HRG: variants seen among roughly 807,000 people sequenced by gnomAD.
HRG encodes histidine rich glycoprotein, also known as histidine-rich glycoprotein.
HRG carries 26 observed loss-of-function variants against 29.5 expected under a neutral mutation model. That is an observed-to-expected ratio of 0.88 (90% CI 0.65 to 1.22). HRG has a LOEUF of 1.22. Ranked by LOEUF, HRG falls within the 50% of genes most tolerant of loss-of-function variation. HRG has a pLI of 0.00. For missense variants in HRG, 671 were observed against 654.5 expected (o/e 1.03, Z -0.28); for synonymous variants, 243 against 240.4 (o/e 1.01, Z -0.10).
At chr3:186,676,384 G>A (rs1020521240) in intron 6 of HRG, among the ~76,000 whole-genome samples, 2 of 151,862 alleles carry the variant, frequency 1.3e-5, no homozygotes, top group African/African-American at 4.8e-5. Context: ...AAAAAATAAG[G>A]ATAATGAAGT....
intron 1 of HRG, 32 bp from the exon 2 acceptor site, chr3:186,668,903 G>T: frequency 8.7e-7 from 1 of 1,152,730 alleles, no homozygotes; most frequent in Non-Finnish European, 1.3e-6. Flanking sequence ...GTTTCCATGT[G>T]CTACTCACAT....
intron 1 of HRG, 150 bp from the exon 2 acceptor site, chr3:186,668,785 T>C: frequency 1.6e-6 from 1 of 634,510 alleles, no homozygotes; most frequent in East Asian, 2.7e-5. Context: ...TTGGAATCAA[T>C]AGATCAAATG....
intron 5 of HRG, 120 bp from the exon 6 acceptor site, chr3:186,674,969 C>T (rs1237124013): frequency 2.6e-6 from 2 of 763,244 alleles, no homozygotes; most frequent in East Asian, 2.5e-5. Flanking sequence ...AATATCTGAT[C>T]ATATTACCCT....
In HRG at chr3:186,669,990, A is replaced by G. The variant is rs3733008; in HGVS notation, c.353A>G (p.Asp118Gly). Residue 118 changes from aspartate to glycine, a missense_variant, in exon 3 of 7, where the codon GAC becomes GGC. Transcript: ENST00000232003. ...ACAAGACATTCCCATGAATCTCAGG[A>G]CCTCAGAGTGATTGACTTTAACTGC... ...IATRHSHESQ[D>G]LRVIDFNCTT... 1.9e-3 allele frequency: 2,983 copies of G among 1,599,870 alleles called. 54 individuals are homozygous for G. The East Asian group carries it at 0.045, about 24-fold the overall frequency.
Position 186,677,691 on chromosome 3 carries a change from T to A in HRG, c.1386T>A (p.Pro462=). ...CRQIGSVYRL[P]PLRKGEVLPL... ...AAATTGGATCTGTGTACCGACTCCC[T>A]CCTCTAAGAAAAGGTGAGGTGCTGC... The change falls in exon 7 of 7, where the codon CCT becomes CCA. Residue 462 remains proline, a synonymous_variant. Coordinates refer to ENST00000232003, the MANE Select transcript of HRG (RefSeq NM_000412.5). 6.2e-7 allele frequency: 1 copy of A among 1,612,404 alleles called. No individual in the cohort carries two copies. The highest frequency in any genetic ancestry group is 8.5e-7 in the Non-Finnish European group (1 of 1,178,558).
chr3:186,666,838 G>C (rs567052692), intron 1 of HRG: 1 of 154,282 alleles, frequency 6.5e-6, no homozygotes, highest in Non-Finnish European at 1.4e-5. Context: ...GCTTGAACTC[G>C]GGAGGCAGAG....
intron 3 of HRG, among the ~76,000 whole-genome samples, chr3:186,670,772 C>T (rs1376705996): frequency 1.3e-5 from 2 of 152,152 alleles, no homozygotes; most frequent in Non-Finnish European, 2.9e-5. Context: ...GCCTCAAACT[C>T]TTGACCTCAG....
chr3:186,668,179 G>A lies in HRG; in HGVS notation c.184-756G>A, dbSNP rs150089820. Among the ~76,000 whole-genome samples, 105 of 152,324 alleles carry A rather than the reference G, an allele frequency of 6.9e-4. 3 individuals carry two copies. Among genetic ancestry groups the A allele is most frequent in the African/African-American group, 2.2e-3 (91 of 41,580 alleles). ...AGCTGCCTCTGAGAGCTAGCATAGAGAGCGGGTGGATGGGGAGGGGTCCTG... is the reference window on the plus strand; with the variant it reads ...AGCTGCCTCTGAGAGCTAGCATAGAAAGCGGGTGGATGGGGAGGGGTCCTG... On this transcript the variant is annotated intron_variant, in intron 1 of 6. Transcript: ENST00000232003.
In HRG at chr3:186,676,632, A is replaced by G. The variant is rs140187296; in HGVS notation, c.742-415A>G. Among the ~76,000 whole-genome samples the G allele has an allele frequency of 2.0e-3, 304 of 151,650 alleles. 1 individual carries two copies. Among genetic ancestry groups the G allele is most frequent in the Non-Finnish European group, 3.4e-3 (228 of 67,874 alleles). On this transcript the variant is annotated intron_variant, in intron 6 of 6. Coordinates refer to ENST00000232003, the MANE Select transcript of HRG (RefSeq NM_000412.5). ...AAATTAGGAGTCTGGGCAACAGAGT[A>G]AGACTATGTCTCAAAAAAAGAAAAA...
chr3:186,670,363 T>C (rs1471226753), intron 3 of HRG, among the ~76,000 whole-genome samples: 1 of 152,180 alleles, frequency 6.6e-6, no homozygotes, highest in Non-Finnish European at 1.5e-5. Context: ...CTGCCAGTTG[T>C]ATAGTCTTGG....
chr3:186,676,302 T>C (rs1718986922), intron 6 of HRG, among the ~76,000 whole-genome samples: 1 of 152,154 alleles, frequency 6.6e-6, no homozygotes, highest in African/African-American at 2.4e-5. Flanking sequence ...AGGCACTAGT[T>C]TTCCAGTGTT....
At chr3:186,670,581 C>T (rs946968461) in intron 3 of HRG, among the ~76,000 whole-genome samples, 2 of 152,174 alleles carry the variant, frequency 1.3e-5, no homozygotes, top group South Asian at 4.1e-4. Flanking sequence ...GAGTGTCGCT[C>T]TTGCTACCCA....
chr3:186,675,217 T>C (rs1718931912), intron 6 of HRG, 27 bp downstream of exon 6: 5 of 1,432,910 alleles, frequency 3.5e-6, no homozygotes, highest in Non-Finnish European at 4.9e-6. Context: ...GACTTTGTCA[T>C]GGCAGTGCCA....
At chr3:186,676,329 C>T (rs1718988292) in intron 6 of HRG, among the ~76,000 whole-genome samples, 2 of 151,584 alleles carry the variant, frequency 1.3e-5, no homozygotes, top group South Asian at 4.2e-4. Context: ...CAGATGGGTG[C>T]CAGGTCATAA....
At chr3:186,675,865 C>CTTTTTTTTT (rs56248425) in intron 6 of HRG, among the ~76,000 whole-genome samples, 10 of 97,102 alleles carry the variant, frequency 1.0e-4, no homozygotes, top group South Asian at 4.0e-4. Context: ...ATGGCTCTGT[C>CTTTTTTTTT]TTTTTTTTTT....
At chr3:186,668,863 A>T in intron 1 of HRG, 72 bp from the exon 2 acceptor site, 1 of 728,600 alleles carries the variant, frequency 1.4e-6, no homozygotes, top group Non-Finnish European at 2.4e-6. Context: ...ATAAATATAT[A>T]GCTTTAATAC....
Position 186,677,099 on chromosome 3 carries a change from G to A in HRG, c.794G>A (p.Trp265Ter). ...CCTCATTTGGGACATCCCTTCCACT[G>A]GGGTGGGCATGAGCGTTCTTCTACC... Reference protein sequence around the residue: ...VPPHLGHPFHWGGHERSSTTK... With the variant: ...VPPHLGHPFH Residue 265 changes from tryptophan to a stop codon, truncating the protein, a stop_gained, in exon 7 of 7, where the codon TGG becomes TAG. Coordinates refer to ENST00000232003, the MANE Select transcript of HRG (RefSeq NM_000412.5). LOFTEE classifies it low-confidence loss of function (END_TRUNC). 3.7e-6 allele frequency: 6 copies of A among 1,613,836 alleles called. No individual in the cohort carries two copies. Among genetic ancestry groups the A allele is most frequent in the Non-Finnish European group, 4.2e-6 (5 of 1,179,912 alleles).
intron 1 of HRG, 96 bp from the exon 2 acceptor site, chr3:186,668,839 A>G: frequency 1.4e-6 from 1 of 730,420 alleles, no homozygotes; most frequent in Non-Finnish European, 2.5e-6. Flanking sequence ...AGGAACAGGA[A>G]TTCTGTTTAA....
chr3:186,676,789 G>T (rs1719006061), intron 6 of HRG, among the ~76,000 whole-genome samples: 1 of 152,026 alleles, frequency 6.6e-6, no homozygotes, highest in South Asian at 2.1e-4. Flanking sequence ...CTCCAGACTG[G>T]GTGACAGAGC....
Sources: gnomAD v4.1 joint callset for allele counts (sites outside exome capture counted in the v4.1 genomes callset) on GRCh38, gnomAD v4.1.1 for gene constraint, MANE v1.5 for transcripts, NCBI Gene and HGNC (gene_info 2026-07-23, HGNC 2026-07-21) for gene names.